Variants in NRG3 observed in about 807,000 individuals in gnomAD.
NRG3 encodes neuregulin 3.
Under a neutral mutation model 66.9 loss-of-function variants are expected in NRG3, and 31 were observed. That is an observed-to-expected ratio of 0.46 (90% CI 0.35 to 0.63). The LOEUF (loss-of-function observed/expected upper bound fraction) is 0.63. Ranked by LOEUF, NRG3 falls within the 20% of genes least tolerant of loss-of-function variation. NRG3 has a pLI of 0.00. For missense variants in NRG3, 910 were observed against 878.9 expected, an observed-to-expected ratio of 1.04 and a Z score of -0.45; for synonymous variants, 393 against 359.4, an observed-to-expected ratio of 1.09 and a Z score of -1.06.
chr10:82,022,260 G>C (rs977114956), intron 1 of NRG3, among the ~76,000 whole-genome samples: 2 of 151,974 alleles, frequency 1.3e-5, no homozygotes, highest in Admixed American at 1.3e-4. Flanking sequence ...AAATTGAGTA[G>C]GCAGGAATAG....
At chr10:82,720,739 G>C (rs1266979643) in intron 2 of NRG3, among the ~76,000 whole-genome samples, 1 of 149,850 alleles carries the variant, frequency 6.7e-6, no homozygotes, top group Non-Finnish European at 1.5e-5. Context: ...GCAAGATGTA[G>C]AAGTTCTTTC....
intron 4 of NRG3, among the ~76,000 whole-genome samples, chr10:82,878,821 A>G (rs1842053196): frequency 6.6e-6 from 1 of 152,184 alleles, no homozygotes. Context: ...TTTTTAATGG[A>G]TTTAGAATGA....
chr10:82,031,977 A>G (rs1299061770), intron 1 of NRG3, among the ~76,000 whole-genome samples: 1 of 152,038 alleles, frequency 6.6e-6, no homozygotes, highest in Admixed American at 6.6e-5. Context: ...ATGTGGGCTG[A>G]CCAAGCAGTG....
At chr10:82,385,793 CT>C (rs2085941863) in intron 2 of NRG3, among the ~76,000 whole-genome samples, 1 of 151,888 alleles carries the variant, frequency 6.6e-6, no homozygotes, top group Non-Finnish European at 1.5e-5. Context: ...GGTTGTCCTG[CT>C]GAAAATTGTA....
At chr10:82,567,270 C>T (rs1442753041) in intron 2 of NRG3, among the ~76,000 whole-genome samples, 3 of 149,436 alleles carry the variant, frequency 2.0e-5, no homozygotes, top group East Asian at 4.0e-4. Flanking sequence ...CTCTCGGCCA[C>T]TAAGGATATT....
intron 2 of NRG3, among the ~76,000 whole-genome samples, chr10:82,693,111 C>A (rs1008952606): frequency 3.9e-5 from 6 of 152,170 alleles, no homozygotes; most frequent in African/African-American, 1.4e-4. Context: ...CCTATTTGAT[C>A]TTCCTAATTT....
chr10:82,570,804 T>G (rs2045684603), intron 2 of NRG3, among the ~76,000 whole-genome samples: 1 of 151,714 alleles, frequency 6.6e-6, no homozygotes. Context: ...GACTCATATG[T>G]AAAATTTCTC....
rs187729740 is a variant in NRG3, at chr10:82,727,164, A to C, written c.954-11413A>C. On this transcript the variant is annotated intron_variant, in intron 2 of 8. Transcript: ENST00000372141. ...ATTTGCAGCCTGACAATGTGATAGA[A>C]AAGAAAATTCAATTTTCTGAGGAGA... 2.3e-3 allele frequency among the ~76,000 whole-genome samples: 346 copies of C among 152,348 alleles called. 1 individual carries two copies. The highest frequency in any genetic ancestry group is 4.0e-3 in the Non-Finnish European group (272 of 68,034).
intron 1 of NRG3, among the ~76,000 whole-genome samples, chr10:82,283,917 T>G (rs920180311): frequency 4.6e-5 from 7 of 152,222 alleles, no homozygotes; most frequent in Admixed American, 3.9e-4. Flanking sequence ...AATGAAGCTT[T>G]GATAATGATT....
chr10:82,666,059 G>A (rs1321853916), intron 2 of NRG3, among the ~76,000 whole-genome samples: 1 of 151,928 alleles, frequency 6.6e-6, no homozygotes, highest in Admixed American at 6.6e-5. Context: ...ACAGGGTTTC[G>A]CCAGGCTGGT....
intron 1 of NRG3, among the ~76,000 whole-genome samples, chr10:82,305,184 A>T (rs2080654729): frequency 6.6e-6 from 1 of 151,546 alleles, no homozygotes; most frequent in Non-Finnish European, 1.5e-5. Flanking sequence ...TTTAGTAGAG[A>T]TGGGGTTTCA....
At chr10:82,436,905 A>C (rs1324751292) in intron 2 of NRG3, among the ~76,000 whole-genome samples, 1 of 152,144 alleles carries the variant, frequency 6.6e-6, no homozygotes, top group East Asian at 1.9e-4. Context: ...TGAGAGGTTC[A>C]CTGTTAGTCT....
rs150473235 is a variant in NRG3 at position 82,324,229 on chromosome 10, C to A, written c.824-34510C>A. ...GACATAAATTTGTTCCATATAATTT[C>A]TTATTTTTAAAAATACCTCTACAGT... On this transcript the variant is annotated intron_variant, in intron 1 of 8. Coordinates refer to ENST00000372141, the MANE Select transcript of NRG3 (RefSeq NM_001010848.4). 4.6e-5 allele frequency among the ~76,000 whole-genome samples: 7 copies of A among 152,216 alleles called. No individual in the cohort carries two copies. In the East Asian group the frequency reaches 1.4e-3, roughly 29 times the overall value.
chr10:82,810,300 A>C (rs565953812), intron 3 of NRG3, among the ~76,000 whole-genome samples: 113 of 152,350 alleles, frequency 7.4e-4, no homozygotes, highest in Admixed American at 3.2e-3. Flanking sequence ...CTTAAGTATA[A>C]AATCCATTTG....
chr10:82,771,307 G>A (rs575533462), intron 3 of NRG3, among the ~76,000 whole-genome samples: 11 of 152,110 alleles, frequency 7.2e-5, no homozygotes, highest in Admixed American at 3.3e-4. Flanking sequence ...TCTTTTTAAC[G>A]TTAAAAAATG....
chr10:82,215,963 CTTTTTTTTTTTTTT>C (rs71894841), intron 1 of NRG3, among the ~76,000 whole-genome samples: 1 of 89,722 alleles, frequency 1.1e-5, no homozygotes, highest in Non-Finnish European at 2.1e-5. Context: ...TTATGTTTTC[CTTTTTTTTTTTTTT>C]TTTTTTTTGA....
intron 3 of NRG3, among the ~76,000 whole-genome samples, chr10:82,780,459 G>A (rs979343129): frequency 9.6e-5 from 14 of 145,870 alleles, no homozygotes; most frequent in South Asian, 2.2e-4. Flanking sequence ...TCAGCATTGC[G>A]CCTCTTTTTT....
chr10:82,132,107 T>G (rs980983363), intron 1 of NRG3, among the ~76,000 whole-genome samples: 1 of 152,072 alleles, frequency 6.6e-6, no homozygotes, highest in Admixed American at 6.6e-5. Flanking sequence ...ATTCTTATCT[T>G]GTACCAGCTC....
rs572196234 is a variant in NRG3 at position 82,182,914 on chromosome 10, T to G, written c.824-175825T>G. Among the ~76,000 whole-genome samples the G allele has an allele frequency of 2.0e-5, 3 of 152,106 alleles. No homozygotes were observed. The East Asian group carries it at 5.8e-4, about 29-fold the overall frequency. On this transcript the variant is annotated intron_variant, in intron 1 of 8. Transcript: ENST00000372141. ...CCAGGTATAATATTCTTGTTTGGCA[T>G]TTTTTAAGCTCTATGAATATATCAT...
Sources: allele counts gnomAD v4.1 joint callset (sites outside exome capture counted in the v4.1 genomes callset), GRCh38; gene constraint gnomAD v4.1.1; transcripts MANE v1.5; gene names NCBI Gene and HGNC (gene_info 2026-07-23, HGNC 2026-07-21).